The following DLG2 variants were observed in gnomAD, a reference collection of about 807,000 sequenced individuals.
DLG2 encodes the protein discs large MAGUK scaffold protein 2.
A neutral mutation model predicts 132.5 loss-of-function variants in DLG2; 45 were observed. That is an observed-to-expected ratio of 0.34 (90% confidence interval 0.27 to 0.44). The LOEUF is 0.44. DLG2 is among the 20% of genes least tolerant of loss of function. The probability of loss-of-function intolerance (pLI) is 1.00; values close to 1 mark genes in which losing one functional copy is unlikely to be tolerated. For missense variants in DLG2, 1,045 were observed against 1,196.9 expected (o/e 0.87, Z 1.87); for synonymous variants, 424 against 419.6 (o/e 1.01, Z -0.13).
chr11:85,407,225 T>C (rs920895426), intron 3 of DLG2, among the ~76,000 whole-genome samples: 9 of 151,594 alleles, frequency 5.9e-5, no homozygotes, highest in African/African-American at 1.9e-4. Flanking sequence ...AATGGAAAAA[T>C]TTTGCAAAAT....
intron 20 of DLG2, among the ~76,000 whole-genome samples, chr11:83,535,253 G>T (rs926633413): frequency 6.6e-4 from 100 of 152,206 alleles, no homozygotes; most frequent in African/African-American, 2.3e-3. Flanking sequence ...TATAGTCAAT[G>T]CTTTGGCATC....
At chr11:84,091,463 C>G (rs2097093169) in intron 10 of DLG2, among the ~76,000 whole-genome samples, 1 of 152,154 alleles carries the variant, frequency 6.6e-6, no homozygotes, top group Admixed American at 6.5e-5. Flanking sequence ...ATTGATTGTG[C>G]TTTGGCCTCT....
chr11:84,866,606 A>T (rs895704950), intron 6 of DLG2, among the ~76,000 whole-genome samples: 16 of 152,214 alleles, frequency 1.1e-4, no homozygotes, highest in African/African-American at 3.9e-4. Context: ...ACTTCACTGA[A>T]CTACACTGTT....
At chr11:84,787,284 C>G (rs1565961098) in intron 6 of DLG2, among the ~76,000 whole-genome samples, 1 of 152,122 alleles carries the variant, frequency 6.6e-6, no homozygotes, top group Non-Finnish European at 1.5e-5. Context: ...TGCTTAGTGT[C>G]TGACCTGGCG....
At chr11:84,952,477 A>C (rs1790274268) in intron 6 of DLG2, among the ~76,000 whole-genome samples, 1 of 152,112 alleles carries the variant, frequency 6.6e-6, no homozygotes, top group African/African-American at 2.4e-5. Context: ...AGATCGCGCC[A>C]CAGCACTCCC....
intron 9 of DLG2, among the ~76,000 whole-genome samples, chr11:84,143,317 T>A (rs761646493): frequency 2.6e-5 from 4 of 152,146 alleles, no homozygotes; most frequent in Non-Finnish European, 5.9e-5. Flanking sequence ...GGGTTTTGAA[T>A]GATAAGAAGA....
chr11:85,167,884 T>C (rs2078574294), intron 4 of DLG2, among the ~76,000 whole-genome samples: 1 of 152,154 alleles, frequency 6.6e-6, no homozygotes, highest in Non-Finnish European at 1.5e-5. Context: ...GAAAACAGCA[T>C]GCTACCATTT....
chr11:83,750,677 AGT>A (rs1166766481), intron 18 of DLG2, among the ~76,000 whole-genome samples: 2 of 152,218 alleles, frequency 1.3e-5, no homozygotes, highest in Non-Finnish European at 2.9e-5. Context: ...GATGTACTTC[AGT>A]CTTCTCAAGA....
At chr11:83,663,422 T>C (rs2074807315) in intron 18 of DLG2, among the ~76,000 whole-genome samples, 1 of 152,170 alleles carries the variant, frequency 6.6e-6, no homozygotes, top group Non-Finnish European at 1.5e-5. Context: ...CCATTGCAGC[T>C]GAAAACCTCT....
At chr11:84,072,222 C>T (rs766621581) in intron 10 of DLG2, among the ~76,000 whole-genome samples, 3 of 152,186 alleles carry the variant, frequency 2.0e-5, no homozygotes, top group South Asian at 4.1e-4. Context: ...CAAGTCTTTC[C>T]ACAATCTGAT....
chr11:84,202,837 C>T (rs914244097), intron 8 of DLG2, among the ~76,000 whole-genome samples: 1 of 152,058 alleles, frequency 6.6e-6, no homozygotes, highest in African/African-American at 2.4e-5. Context: ...GAAGACATCA[C>T]GTGGCCAACA....
At chr11:83,586,834 C>T (rs534407869) in intron 19 of DLG2, among the ~76,000 whole-genome samples, 2 of 152,300 alleles carry the variant, frequency 1.3e-5, no homozygotes, top group African/African-American at 2.4e-5. Context: ...AGCTGGTGCT[C>T]TTAACTACTG....
At chr11:85,131,251 A>G (rs1259682169) in intron 5 of DLG2, among the ~76,000 whole-genome samples, 2 of 152,188 alleles carry the variant, frequency 1.3e-5, no homozygotes, top group Non-Finnish European at 2.9e-5. Flanking sequence ...TAATTTGTAT[A>G]ATATAGTAGA....
chr11:83,976,618 T>A (rs537517614), intron 12 of DLG2, among the ~76,000 whole-genome samples: 78 of 152,076 alleles, frequency 5.1e-4, no homozygotes, highest in African/African-American at 1.7e-3. Context: ...ATTCTCCTTT[T>A]CAGGGTTATT....
At chr11:83,726,748 A>AAAACAAAC (rs60924473) in intron 18 of DLG2, among the ~76,000 whole-genome samples, 2,359 of 150,284 alleles carry the variant, frequency 0.016, 21 homozygotes, top group South Asian at 0.022. Flanking sequence ...GATCTGCCTG[A>AAAACAAAC]AAACAAACAA....
intron 6 of DLG2, among the ~76,000 whole-genome samples, chr11:84,588,995 A>C (rs186424007): frequency 6.6e-6 from 1 of 152,180 alleles, no homozygotes; most frequent in East Asian, 1.9e-4. Flanking sequence ...TCTGGTGACC[A>C]CAGAAGGGAC....
At chr11:83,747,318 TCCTTCCTTCCTG>T (rs1438533204) in intron 18 of DLG2, among the ~76,000 whole-genome samples, 4,036 of 121,548 alleles carry the variant, frequency 0.033, 118 homozygotes, top group African/African-American at 0.045. Flanking sequence ...CTTCCTTCCT[TCCTTCCTTCCTG>T]CCTTCCTTCC....
chr11:84,368,244 T>A (rs1282087853), intron 7 of DLG2, among the ~76,000 whole-genome samples: 1 of 152,176 alleles, frequency 6.6e-6, no homozygotes, highest in African/African-American at 2.4e-5. Flanking sequence ...GTTCTTTTTA[T>A]ATGCTCAATC....
intron 7 of DLG2, among the ~76,000 whole-genome samples, chr11:84,502,790 C>T (rs575831756): frequency 6.6e-6 from 1 of 152,036 alleles, no homozygotes; most frequent in East Asian, 1.9e-4. Context: ...CTTTAAGGAT[C>T]TTACTTTTTA....
Sources: gnomAD v4.1 joint callset for allele counts (sites outside exome capture counted in the v4.1 genomes callset) on GRCh38, gnomAD v4.1.1 for gene constraint, MANE v1.5 for transcripts, NCBI Gene and HGNC (gene_info 2026-07-23, HGNC 2026-07-21) for gene names.